The following SRSF12 variants were observed in gnomAD, a reference collection of about 807,000 sequenced individuals.
SRSF12 encodes the protein serine/arginine-rich splicing factor 12.
In SRSF12, 21 loss-of-function variants were observed where a neutral mutation model predicts 34.1. The observed-to-expected ratio is 0.62, with a 90% CI of 0.44 to 0.89. The LOEUF is 0.89. SRSF12 is among the 40% of genes least tolerant of loss of function. SRSF12 has a pLI of 0.00. For synonymous variants in SRSF12, 111 were observed against 110.8 expected (o/e 1.00, Z -0.01); for missense variants, 278 against 327.8 (o/e 0.85, Z 1.17).
At chr6:89,116,182 C>A (rs78475044) in intron 1 of SRSF12, among the ~76,000 whole-genome samples, 1 of 152,170 alleles carries the variant, frequency 6.6e-6, no homozygotes, top group Non-Finnish European at 1.5e-5. Context: ...GCCTTATAGG[C>A]TGGCAGCTTC....
intron 1 of SRSF12, among the ~76,000 whole-genome samples, chr6:89,115,325 A>C (rs1223829129): frequency 6.6e-6 from 1 of 152,100 alleles, no homozygotes; most frequent in African/African-American, 2.4e-5. Flanking sequence ...TCTGTCGCCC[A>C]GGCTGGAGTG....
rs1769400889 is a variant in SRSF12 at position 89,118,046 on chromosome 6, G to C, written c.-159C>G. 1.9e-6 allele frequency: 1 copy of C among 516,598 alleles called. No individual in the cohort carries two copies. The allele number at this position is 516,598 out of a possible 1,614,324, so 32.0% of individuals were successfully genotyped here. ...GCGCGCAGCCGCAGAGGCCGGCGCA[G>C]AGGGGGCGCAGCGCGGCGCCAGCCT... is the stretch of plus-strand genomic sequence containing the variant. On this transcript the variant is annotated 5_prime_UTR_variant, in exon 1 of 5. Coordinates refer to ENST00000452027, the MANE Select transcript of SRSF12 (RefSeq NM_080743.5).
chr6:89,106,142 T>C (rs1201908705), intron 2 of SRSF12, among the ~76,000 whole-genome samples: 1 of 152,164 alleles, frequency 6.6e-6, no homozygotes, highest in African/African-American at 2.4e-5. Flanking sequence ...GTTTTTGAGA[T>C]GGAGTTTCCC....
chr6:89,102,982 C>G (rs762411702), intron 4 of SRSF12, among the ~76,000 whole-genome samples: 1 of 152,110 alleles, frequency 6.6e-6, no homozygotes, highest in Admixed American at 6.5e-5. Context: ...CCAGGCTGGT[C>G]TCTCAAATTC....
rs988811092 is a variant in SRSF12, at chr6:89,097,309, T to C, written c.*1269A>G. ...ATAAATATATCCCCTATAATAATCA[T>C]ATGCAAAACCATTCTATCACAAACA... On this transcript the variant is annotated 3_prime_UTR_variant, in exon 5 of 5. Transcript: ENST00000452027. 5 of 152,170 alleles carry C rather than the reference T, an allele frequency of 3.3e-5. No individual in the cohort carries two copies. Among genetic ancestry groups the C allele is most frequent in the African/African-American group, 1.2e-4 (5 of 41,450 alleles). The allele number at this position is 152,170 out of a possible 1,614,324, so 9.4% of individuals were successfully genotyped here.
intron 1 of SRSF12, among the ~76,000 whole-genome samples, chr6:89,112,485 T>C (rs1769104313): frequency 6.6e-6 from 1 of 150,838 alleles, no homozygotes; most frequent in South Asian, 2.1e-4. Flanking sequence ...CTCGCTCTGT[T>C]GCCCAGGCTG....
chr6:89,097,443 A>C lies in SRSF12; in HGVS notation c.*1135T>G, dbSNP rs916192815. ...TCAATAAAGTTATTTGGCTGTCAGA[A>C]ATGAAGGGCAGTATAATGTAAAATT... is the stretch of plus-strand genomic sequence containing the variant. On this transcript the variant is annotated 3_prime_UTR_variant, in exon 5 of 5. Transcript: ENST00000452027. 2 of 152,196 alleles carry C rather than the reference A, an allele frequency of 1.3e-5. No homozygotes were observed. Among genetic ancestry groups the C allele is most frequent in the African/African-American group, 4.8e-5 (2 of 41,454 alleles). 9.4% of individuals were successfully genotyped at this position (152,196 alleles called of 1,614,324 possible). A position where few individuals can be genotyped will look rare whatever the true frequency, so the allele number is the denominator to read the frequency against.
At chr6:89,099,488 GTA>G (rs1260370181) in intron 4 of SRSF12, among the ~76,000 whole-genome samples, 8 of 135,066 alleles carry the variant, frequency 5.9e-5, no homozygotes, top group South Asian at 4.7e-4. Context: ...ATATGTGTGT[GTA>G]TATATATATG....
chr6:89,115,631 CTTT>C (rs760005395), intron 1 of SRSF12, among the ~76,000 whole-genome samples: 22 of 129,000 alleles, frequency 1.7e-4, no homozygotes, highest in African/African-American at 3.7e-4. Flanking sequence ...TTTTTTCTTT[CTTT>C]TTTTTTTTTT....
chr6:89,112,712 C>T (rs1769117273), intron 1 of SRSF12, among the ~76,000 whole-genome samples: 2 of 151,896 alleles, frequency 1.3e-5, no homozygotes, highest in Admixed American at 6.6e-5. Context: ...GAGCCTGGCC[C>T]TAGTCTCATT....
intron 4 of SRSF12, among the ~76,000 whole-genome samples, chr6:89,102,786 C>T (rs1269524684): frequency 6.6e-6 from 1 of 152,090 alleles, no homozygotes; most frequent in Admixed American, 6.6e-5. Flanking sequence ...GAGTCTTCCT[C>T]TGTTGCCCAG....
At chr6:89,115,523 C>G (rs1769248464) in intron 1 of SRSF12, among the ~76,000 whole-genome samples, 1 of 152,076 alleles carries the variant, frequency 6.6e-6, no homozygotes, top group African/African-American at 2.4e-5. Flanking sequence ...CTCAAGTGAT[C>G]CGCCGAACTC....
At chr6:89,116,318 G>T (rs983052550) in intron 1 of SRSF12, among the ~76,000 whole-genome samples, 4 of 152,072 alleles carry the variant, frequency 2.6e-5, no homozygotes, top group African/African-American at 9.7e-5. Flanking sequence ...CAACTGCAAG[G>T]TTTTTTAATT....
chr6:89,101,968 T>C (rs1460995703), intron 4 of SRSF12, among the ~76,000 whole-genome samples: 1 of 150,856 alleles, frequency 6.6e-6, no homozygotes, highest in Non-Finnish European at 1.5e-5. Context: ...TAAGAAATAC[T>C]AAATATTCAC....
intron 1 of SRSF12, among the ~76,000 whole-genome samples, chr6:89,109,900 G>C (rs2127994793): frequency 6.6e-6 from 1 of 152,250 alleles, no homozygotes; most frequent in Non-Finnish European, 1.5e-5. Context: ...GACCATCTTG[G>C]CTAAGAGGGT....
In SRSF12 at chr6:89,103,225, C is replaced by T. The variant is rs138688460; in HGVS notation, c.416+1894G>A. On this transcript the variant is annotated intron_variant, in intron 4 of 4. Coordinates refer to ENST00000452027, the MANE Select transcript of SRSF12 (RefSeq NM_080743.5). ...AGTCAAGTATTATACTTTACTTCCACTAGAAGGCAGAAAATGATGTGAATA... is the reference window on the plus strand; with the variant it reads ...AGTCAAGTATTATACTTTACTTCCATTAGAAGGCAGAAAATGATGTGAATA... Among the ~76,000 whole-genome samples, 282 of 152,212 alleles carry T rather than the reference C, an allele frequency of 1.9e-3. 3 individuals carry two copies. The highest frequency in any genetic ancestry group is 6.4e-3 in the African/African-American group (266 of 41,526).
In SRSF12 at chr6:89,103,954, T is replaced by G. The variant is rs968520716; in HGVS notation, c.416+1165A>C. 2.6e-5 allele frequency among the ~76,000 whole-genome samples: 4 copies of G among 151,512 alleles called. No homozygotes were observed. The South Asian group carries it at 8.3e-4, about 32-fold the overall frequency. On this transcript the variant is annotated intron_variant, in intron 4 of 4. Transcript: ENST00000452027. ...TAAGTAAATTGATTTACATTAACTT[T>G]AGTCAACCACCTTTCACAAGGGATT...
Position 89,107,182 on chromosome 6 carries a change from G to A in SRSF12, c.142C>T (p.Arg48Cys), listed in dbSNP as rs1008360798. The change falls in exon 2 of 5, where the codon CGC becomes TGC. Residue 48 changes from arginine (R) to cysteine (C), a missense_variant. Transcript: ENST00000452027. ...DVYIPLDFYT[R>C]RPRGFAYVQF... Reference sequence around the variant, plus strand: ...ACATAAGCAAATCCTCTTGGGCGGCGAGTGTAGAAGTCAAGTGGAATGTAA... The same window carrying A: ...ACATAAGCAAATCCTCTTGGGCGGCAAGTGTAGAAGTCAAGTGGAATGTAA... 17 of 1,613,912 alleles carry A rather than the reference G, an allele frequency of 1.1e-5. No individual in the cohort carries two copies. The highest frequency in any genetic ancestry group is 1.4e-5 in the Non-Finnish European group (16 of 1,180,010).
intron 4 of SRSF12, among the ~76,000 whole-genome samples, chr6:89,102,927 T>G (rs776773866): frequency 2.0e-5 from 3 of 152,082 alleles, no homozygotes; most frequent in Non-Finnish European, 4.4e-5. Flanking sequence ...CACACGTGGC[T>G]AATTTTTTTT....
Sources: allele counts gnomAD v4.1 joint callset (sites outside exome capture counted in the v4.1 genomes callset), GRCh38; gene constraint gnomAD v4.1.1; transcripts MANE v1.5; gene names NCBI Gene and HGNC (gene_info 2026-07-23, HGNC 2026-07-21).